BPNT1: variants seen among roughly 807,000 people sequenced by gnomAD.
BPNT1 encodes the protein 3'(2'), 5'-bisphosphate nucleotidase 1.
Under a neutral mutation model 36.9 loss-of-function variants are expected in BPNT1, and 28 were observed. The ratio of observed to expected loss-of-function variants is 0.76; its 90% CI spans 0.56 to 1.04. BPNT1 has a LOEUF of 1.04. Among genes scored for constraint, BPNT1 ranks in the 50% least tolerant of loss-of-function variants. The pLI is 0.00. For synonymous variants in BPNT1, 119 were observed against 130.9 expected, an observed-to-expected ratio of 0.91 and a Z score of 0.62; for missense variants, 313 against 372.9, an observed-to-expected ratio of 0.84 and a Z score of 1.32.
chr1:220,076,613 A>G (rs1664571280), intron 2 of BPNT1, among the ~76,000 whole-genome samples: 1 of 151,086 alleles, frequency 6.6e-6, no homozygotes, highest in Admixed American at 6.6e-5. Context: ...TGAACCTGGG[A>G]GGCAGAGGCT....
intron 6 of BPNT1, chr1:220,066,086 C>G: frequency 6.6e-7 from 1 of 1,523,838 alleles, no homozygotes; most frequent in Non-Finnish European, 8.8e-7. Flanking sequence ...TGCTTCATTC[C>G]TGTGTTCCCT....
intron 1 of BPNT1, among the ~76,000 whole-genome samples, chr1:220,086,133 T>C (rs955290077): frequency 6.6e-6 from 1 of 152,130 alleles, no homozygotes; most frequent in African/African-American, 2.4e-5. Context: ...AATCAACATA[T>C]GATATAAAAG....
rs1352983140 is a variant in BPNT1, at chr1:220,078,541, T to TGTTATATTTATATATA, written c.120+1185_120+1186insTATATATAAATATAAC. ...ATATATAATTATATTACATTATATA[T>TGTTATATTTATATATA]ATTATAATTATATATAAATATAATA... is the stretch of plus-strand genomic sequence containing the variant. On this transcript the variant is annotated intron_variant, in intron 2 of 8. Transcript: ENST00000322067. 7.8e-3 allele frequency among the ~76,000 whole-genome samples: 1,022 copies of TGTTATATTTATATATA among 131,106 alleles called. 14 individuals are homozygous for TGTTATATTTATATATA. Among genetic ancestry groups the TGTTATATTTATATATA allele is most frequent in the African/African-American group, 0.027 (960 of 35,034 alleles). 86.0% of individuals were successfully genotyped at this position (131,106 alleles called of 152,430 possible).
chr1:220,067,363 C>A lies in BPNT1; in HGVS notation c.413G>T (p.Gly138Val). The change falls in exon 6 of 9, where the codon GGA (glycine) becomes GTA (valine). Residue 138 changes from glycine to valine, a missense_variant. Gly to Val is a moderately radical substitution (Grantham distance 109). Transcript: ENST00000322067. ...TATGGCTTTTCCTTCATAAGCAATTCCAATAAGAACTGTTACATTGTCAAG... is the reference window on the plus strand; with the variant it reads ...TATGGCTTTTCCTTCATAAGCAATTACAATAAGAACTGTTACATTGTCAAG... ...GLLDNVTVLI[G>V]IAYEGKAIAG... is the part of the protein sequence containing the mutation. 1.2e-6 allele frequency: 2 copies of A among 1,608,598 alleles called. No individual in the cohort carries two copies. Among genetic ancestry groups the A allele is most frequent in the South Asian group, 1.1e-5 (1 of 90,406 alleles).
intron 1 of BPNT1, among the ~76,000 whole-genome samples, chr1:220,089,428 T>TA (rs1204711789): frequency 6.6e-6 from 1 of 152,212 alleles, no homozygotes; most frequent in Non-Finnish European, 1.5e-5. Flanking sequence ...AAGCAGTTTC[T>TA]AAATTTGGGT....
At chr1:220,074,642 C>T (rs902817529) in intron 2 of BPNT1, among the ~76,000 whole-genome samples, 3 of 151,642 alleles carry the variant, frequency 2.0e-5, no homozygotes, top group Admixed American at 6.6e-5. Context: ...ACTACAGGCA[C>T]GTGCCACCAT....
At chr1:220,062,718 C>CA (rs1663163998) in intron 7 of BPNT1, 39 bp downstream of exon 7, 1 of 1,595,768 alleles carries the variant, frequency 6.3e-7, no homozygotes, top group African/African-American at 1.3e-5. Flanking sequence ...TTCAATGATT[C>CA]ACTTGCACTT....
chr1:220,070,663 C>T (rs1483314649), intron 4 of BPNT1, among the ~76,000 whole-genome samples: 5 of 151,350 alleles, frequency 3.3e-5, no homozygotes, highest in African/African-American at 1.2e-4. Flanking sequence ...GGGGTTTCAC[C>T]ATGTTGGCCA....
At position 220,058,850 on chromosome 1, in the gene BPNT1, A is replaced by T. The variant is rs375542717; in HGVS notation, c.921T>A (p.Val307=). 8.1e-6 allele frequency: 13 copies of T among 1,613,950 alleles called. No individual in the cohort carries two copies. The highest frequency in any genetic ancestry group is 2.7e-5 in the African/African-American group (2 of 74,926). ...RVPESIKNAL[V]P Reference sequence around the variant, plus strand: ...GGCCAAATGAAACTTTCCTTTAAGGAACAAGTGCATTTTTAATAGATTCTG... The same window carrying T: ...GGCCAAATGAAACTTTCCTTTAAGGTACAAGTGCATTTTTAATAGATTCTG... The change falls in exon 9 of 9, where the codon GTT becomes GTA. Residue 307 remains valine, a synonymous_variant. Coordinates refer to ENST00000322067, the MANE Select transcript of BPNT1 (RefSeq NM_006085.6).
chr1:220,081,182 C>T (rs554303767), intron 1 of BPNT1, among the ~76,000 whole-genome samples: 1 of 152,200 alleles, frequency 6.6e-6, no homozygotes, highest in East Asian at 1.9e-4. Flanking sequence ...TGATCCCCCC[C>T]CTTGGCCTCC....
Position 220,062,792 on chromosome 1 carries a change from C to T in BPNT1, c.637G>A (p.Asp213Asn), listed in dbSNP as rs147533233. 5,007 of 1,614,148 alleles carry T rather than the reference C, an allele frequency of 3.1e-3. 22 individuals carry two copies. Among genetic ancestry groups the T allele is most frequent in the Non-Finnish European group, 3.4e-3 (4,001 of 1,180,022 alleles). The change falls in exon 7 of 9, where the codon GAT (aspartate) becomes AAT (asparagine). Residue 213 changes from aspartate to asparagine, a missense_variant. By Grantham distance (23) the Asp-to-Asn change is conservative (BLOSUM62 1). Coordinates refer to ENST00000322067, the MANE Select transcript of BPNT1 (RefSeq NM_006085.6). ...VTDCVAAMNP[D>N]AVLRVGGAGN... ...GCTCCTCCTACTCGCAGCACAGCAT[C>T]GGGGTTCATAGCAGCAACACAGTCA... is the stretch of plus-strand genomic sequence containing the variant.
rs996019724 is a variant in BPNT1 at position 220,066,200 on chromosome 1, G to C, written c.474+1102C>G. Reference sequence around the variant, plus strand: ...CTCCTAAGCACTTAGATTTTTTCTTGATGAAAGGTACCGTGCATTACAATG... The same window carrying C: ...CTCCTAAGCACTTAGATTTTTTCTTCATGAAAGGTACCGTGCATTACAATG... On this transcript the variant is annotated intron_variant, in intron 6 of 8. Transcript: ENST00000322067. 2.0e-5 allele frequency: 20 copies of C among 982,778 alleles called. No individual in the cohort carries two copies. The South Asian group carries it at 3.7e-4, about 18-fold the overall frequency. The allele number at this position is 982,778 out of a possible 1,614,324, so 60.9% of individuals were successfully genotyped here. A position where few individuals can be genotyped will look rare whatever the true frequency, so the allele number is the denominator to read the frequency against.
intron 1 of BPNT1, among the ~76,000 whole-genome samples, chr1:220,083,996 C>T (rs150608134): frequency 6.6e-6 from 1 of 151,982 alleles, no homozygotes; most frequent in Non-Finnish European, 1.5e-5. Context: ...GTGGAATAAA[C>T]CAGTTACAAT....
Position 220,072,911 on chromosome 1 carries a change from T to A in BPNT1, c.272A>T (p.Gln91Leu), listed in dbSNP as rs1664199493. The change falls in exon 4 of 9, where the codon CAG becomes CTG. Residue 91 changes from glutamine to leucine, a missense_variant. Physicochemically the swap from Gln to Leu is moderately radical, Grantham distance 113. Coordinates refer to ENST00000322067, the MANE Select transcript of BPNT1 (RefSeq NM_006085.6). ...EVDQELIEDS[Q>L]WEEILKQPCP... ...TGGTTGCTTCAGTATTTCTTCCCACTGACTGTCTTCAATCAGCTCTTGATC... is the reference window on the plus strand; with the variant it reads ...TGGTTGCTTCAGTATTTCTTCCCACAGACTGTCTTCAATCAGCTCTTGATC... The A allele has an allele frequency of 3.1e-6, 5 of 1,614,200 alleles. No homozygotes were observed. The highest frequency in any genetic ancestry group is 2.2e-5 in the South Asian group (2 of 91,086).
intron 2 of BPNT1, among the ~76,000 whole-genome samples, chr1:220,079,416 C>A (rs1664902901): frequency 6.6e-6 from 1 of 152,048 alleles, no homozygotes; most frequent in African/African-American, 2.4e-5. Context: ...CCACGCCTGG[C>A]TAATTTTTTG....
At chr1:220,083,850 G>A (rs1655452612) in intron 1 of BPNT1, among the ~76,000 whole-genome samples, 1 of 152,130 alleles carries the variant, frequency 6.6e-6, no homozygotes, top group South Asian at 2.1e-4. Context: ...ACTTGAGTAT[G>A]TGCAGATTTA....
chr1:220,070,146 T>A (rs1210653404), intron 4 of BPNT1, among the ~76,000 whole-genome samples: 1 of 152,156 alleles, frequency 6.6e-6, no homozygotes, highest in Non-Finnish European at 1.5e-5. Flanking sequence ...ACAAGTCTGA[T>A]TATCTTAAGG....
At chr1:220,067,465 T>C (rs1273507481) in intron 5 of BPNT1, 72 bp from the exon 6 acceptor site, 9 of 1,020,820 alleles carry the variant, frequency 8.8e-6, no homozygotes, top group Non-Finnish European at 1.1e-5. Flanking sequence ...CATCAATTGC[T>C]CCAAGTTAGT....
chr1:220,070,699 T>C, intron 4 of BPNT1, among the ~76,000 whole-genome samples: 1 of 150,858 alleles, frequency 6.6e-6, no homozygotes, highest in African/African-American at 2.4e-5. Context: ...CTTGACCTCG[T>C]GATCCGCCTA....
Sources: allele counts gnomAD v4.1 joint callset (sites outside exome capture counted in the v4.1 genomes callset), GRCh38; gene constraint gnomAD v4.1.1; transcripts MANE v1.5; gene names NCBI Gene and HGNC (gene_info 2026-07-23, HGNC 2026-07-21).